Variants in PDE4DIP observed in about 807,000 individuals in gnomAD.
PDE4DIP encodes the protein phosphodiesterase 4D interacting protein, also known as myomegalin.
A neutral mutation model predicts 221.4 loss-of-function variants in PDE4DIP; 59 were observed. That is an observed-to-expected ratio of 0.27 (90% confidence interval 0.22 to 0.33). The LOEUF (loss-of-function observed/expected upper bound fraction) is 0.33. Among genes scored for constraint, PDE4DIP ranks in the 10% least tolerant of loss-of-function variants. The probability of loss-of-function intolerance (pLI) is 1.00; values close to 1 mark genes in which losing one functional copy is unlikely to be tolerated. For missense variants in PDE4DIP, 1,036 were observed against 2,154.2 expected (o/e 0.48, Z 10.28); for synonymous variants, 404 against 815.9 (o/e 0.50, Z 8.60).
At chr1:148,961,329 C>T (rs1431566268) in intron 6 of PDE4DIP, among the ~76,000 whole-genome samples, 1 of 152,158 alleles carries the variant, frequency 6.6e-6, no homozygotes, top group Non-Finnish European at 1.5e-5. Context: ...TGCATGCAGT[C>T]TTCCACTGTA....
At chr1:148,971,384 T>C (rs2059182336) in intron 14 of PDE4DIP, among the ~76,000 whole-genome samples, 2 of 148,854 alleles carry the variant, frequency 1.3e-5, no homozygotes, top group Non-Finnish European at 3.0e-5. Context: ...CGAAAAAAAA[T>C]TAAGCACAGT....
chr1:148,990,104 G>A (rs1162999950), intron 21 of PDE4DIP: 11 of 456,886 alleles, frequency 2.4e-5, no homozygotes, highest in Non-Finnish European at 3.2e-5. Flanking sequence ...GGAAACCTAA[G>A]CTGTTATCAC....
intron 1 of PDE4DIP, among the ~76,000 whole-genome samples, chr1:148,925,685 G>T (rs1475926102): frequency 6.6e-6 from 1 of 151,878 alleles, no homozygotes; most frequent in African/African-American, 2.4e-5. Flanking sequence ...AGTGAATCAA[G>T]GTTGTTGCAC....
At chr1:148,949,007 T>C (rs1272116224) in intron 5 of PDE4DIP, among the ~76,000 whole-genome samples, 1 of 152,220 alleles carries the variant, frequency 6.6e-6, no homozygotes, top group Non-Finnish European at 1.5e-5. Context: ...CTCATTTGCA[T>C]ATGGCTTGTT....
intron 43 of PDE4DIP, chr1:149,031,238 T>A: frequency 1.0e-6 from 1 of 981,976 alleles, no homozygotes; most frequent in Non-Finnish European, 1.2e-6. Context: ...ATCCAAAAAG[T>A]CTCTAGTATC....
rs587692888 is a variant in PDE4DIP at position 149,024,034 on chromosome 1, C to T, written c.6086-411C>T. ...ACATTCTCACATGCTACCAAAAGAC[C>T]TCCTCCTTCTCTTTCATTTTTGAGA... On this transcript the variant is annotated intron_variant, in intron 37 of 43. Coordinates refer to ENST00000369354, the Ensembl canonical transcript of PDE4DIP. 2.2e-3 allele frequency among the ~76,000 whole-genome samples: 327 copies of T among 151,444 alleles called. 1 individual carries two copies. Among genetic ancestry groups the T allele is most frequent in the Non-Finnish European group, 2.0e-3 (137 of 67,872 alleles).
chr1:149,007,375 C>T (rs1559297045), exon 28 of PDE4DIP: 5 of 1,043,768 alleles, frequency 4.8e-6, no homozygotes, highest in Non-Finnish European at 7.4e-6. Context: ...GACAGAGCTT[C>T]CGGGAGCAAC....
At chr1:148,862,275 C>T (rs1483844861) in intron 1 of PDE4DIP, among the ~76,000 whole-genome samples, 2 of 151,178 alleles carry the variant, frequency 1.3e-5, no homozygotes, top group South Asian at 2.1e-4. Context: ...GGATTTTTGT[C>T]TGTTTTGCTC....
At chr1:148,963,395 A>G (rs1466161725) in intron 9 of PDE4DIP, among the ~76,000 whole-genome samples, 1 of 152,208 alleles carries the variant, frequency 6.6e-6, no homozygotes, top group Admixed American at 6.5e-5. Context: ...AAGGATGAAT[A>G]GCACAGGCTC....
At position 148,817,950 on chromosome 1, in the gene PDE4DIP, G is replaced by A. The variant is rs1264544753; in HGVS notation, c.233+9213G>A. ...TCCTGTCTCAGCCTCCTGAGTAGCT[G>A]GGATTACAGGCACCCACCACCACGC... On this transcript the variant is annotated intron_variant, in intron 1 of 45. Coordinates refer to the PDE4DIP transcript ENST00000524974. Among the ~76,000 whole-genome samples, 13 of 144,202 alleles carry A rather than the reference G, an allele frequency of 9.0e-5. 1 individual carries two copies. The highest frequency in any genetic ancestry group is 6.7e-4 in the South Asian group (3 of 4,460). 94.6% of individuals were successfully genotyped at this position (144,202 alleles called of 152,430 possible). A position where few individuals can be genotyped will look rare whatever the true frequency, so the allele number is the denominator to read the frequency against.
Position 148,998,659 on chromosome 1 carries a change from G to A in PDE4DIP, c.3137+284G>A, listed in dbSNP as rs587600753. 1.4e-4 allele frequency among the ~76,000 whole-genome samples: 21 copies of A among 147,598 alleles called. No homozygotes were observed. In the South Asian group the frequency reaches 3.6e-3, roughly 26 times the overall value. ...ATTGCTGTTTTTAATTGACCAAAAC[G>A]TATAAGGAATCCCTGCTACCTAATA... is the stretch of plus-strand genomic sequence containing the variant. On this transcript the variant is annotated intron_variant, in intron 23 of 43. Transcript: ENST00000369354.
Position 148,967,749 on chromosome 1 carries a change from CA to C in PDE4DIP, c.1632del (p.Gly545AlafsTer17). The C allele has an allele frequency of 1.9e-6, 3 of 1,574,980 alleles. No individual in the cohort carries two copies. Among genetic ancestry groups the C allele is most frequent in the Non-Finnish European group, 2.6e-6 (3 of 1,144,802 alleles). Reference sequence around the variant, plus strand: ...AGAGTATGGAGAGTCTCCTGAGGGCCAAAGGCCTGGAAGTGGAACAGTTATC... The same window carrying C: ...AGAGTATGGAGAGTCTCCTGAGGGCCAAGGCCTGGAAGTGGAACAGTTATC... On this transcript the variant is annotated frameshift_variant, in exon 13 of 44. Coordinates refer to ENST00000369354, the Ensembl canonical transcript of PDE4DIP. LOFTEE classifies it high-confidence loss of function.
rs587704339 is a variant in PDE4DIP, at chr1:149,032,191, G to A, written c.*206G>A. The A allele has an allele frequency of 1.7e-4, 156 of 932,476 alleles. 2 individuals carry two copies. The African/African-American group carries it at 2.1e-3, about 12-fold the overall frequency. The allele number at this position is 932,476 out of a possible 1,614,324, so 57.8% of individuals were successfully genotyped here. On this transcript the variant is annotated 3_prime_UTR_variant, in exon 44 of 44. Transcript: ENST00000369354. ...TGGGAGAAAGGCAGAAAGCCTTTCT[G>A]ACGGCTATGGAATACGATTAGCCAA...
chr1:148,951,706 C>T (rs2053313884), intron 5 of PDE4DIP, among the ~76,000 whole-genome samples: 1 of 152,304 alleles, frequency 6.6e-6, no homozygotes, highest in Admixed American at 6.5e-5. Context: ...TCTTGGTTAA[C>T]CAGATTCACA....
intron 20 of PDE4DIP, 142 bp from the exon 24 acceptor site, chr1:148,981,128 A>C: frequency 1.4e-6 from 1 of 736,230 alleles, no homozygotes; most frequent in Non-Finnish European, 2.3e-6. Flanking sequence ...CAAAGACTAC[A>C]TTCATTTATT....
At chr1:148,999,556 A>T (rs1329324710) in intron 23 of PDE4DIP, among the ~76,000 whole-genome samples, 7 of 152,156 alleles carry the variant, frequency 4.6e-5, no homozygotes, top group South Asian at 2.1e-4. Flanking sequence ...AACAATTTTT[A>T]AAAAATTCTT....
chr1:149,013,781 CT>C (rs71582768), intron 32 of PDE4DIP, among the ~76,000 whole-genome samples: 67 of 31,940 alleles, frequency 2.1e-3, no homozygotes, highest in East Asian at 3.5e-3. Context: ...CCTTCTTCCT[CT>C]TTTTTTTTTT....
rs782396602 is a variant in PDE4DIP at position 149,024,433 on chromosome 1, C to T, written c.6086-12C>T. 1.3e-6 allele frequency: 2 copies of T among 1,567,686 alleles called. No individual in the cohort carries two copies. Among genetic ancestry groups the T allele is most frequent in the South Asian group, 1.2e-5 (1 of 85,048 alleles). ...TACTTGGGTCAATGTTACCAGACTCCTTCTCTCTCAGCTTACAGCCTGGAT... is the reference window on the plus strand; with the variant it reads ...TACTTGGGTCAATGTTACCAGACTCTTTCTCTCTCAGCTTACAGCCTGGAT... On this transcript the variant is annotated splice_polypyrimidine_tract_variant and intron_variant, in intron 37 of 43. Transcript: ENST00000369354.
At chr1:149,005,376 C>G (rs587658555) in exon 27 of PDE4DIP, 1 of 1,612,652 alleles carries the variant, frequency 6.2e-7, no homozygotes, top group South Asian at 1.1e-5. Flanking sequence ...GGAGGCCCAG[C>G]TCCCAAAAAA....
Sources: gnomAD v4.1 joint callset for allele counts (sites outside exome capture counted in the v4.1 genomes callset) on GRCh38, gnomAD v4.1.1 for gene constraint, MANE v1.5 for transcripts, NCBI Gene and HGNC (gene_info 2026-07-23, HGNC 2026-07-21) for gene names.